Variants in AGBL4 observed in about 807,000 individuals in gnomAD.
The protein encoded by AGBL4 is cytosolic carboxypeptidase 6.
AGBL4 carries 58 observed loss-of-function variants against 66.4 expected under a neutral mutation model. The observed-to-expected ratio is 0.87, with a 90% CI of 0.71 to 1.09. AGBL4 has a LOEUF of 1.09. AGBL4 is among the 50% of genes least tolerant of loss of function. The pLI, the probability that AGBL4 is intolerant of heterozygous loss-of-function variation, is 0.00. For missense variants in AGBL4, 579 were observed against 631.0 expected (o/e 0.92, Z 0.88); for synonymous variants, 234 against 222.9 (o/e 1.05, Z -0.44).
At chr1:49,479,774 T>TCA (rs1646918470) in intron 3 of AGBL4, among the ~76,000 whole-genome samples, 1 of 150,218 alleles carries the variant, frequency 6.7e-6, no homozygotes, top group South Asian at 2.1e-4. Flanking sequence ...CGATCTCAGC[T>TCA]CACTGCAAGC....
chr1:49,638,362 C>A (rs1475685069), intron 3 of AGBL4, among the ~76,000 whole-genome samples: 1 of 152,168 alleles, frequency 6.6e-6, no homozygotes, highest in African/African-American at 2.4e-5. Context: ...GTAAGAGAAG[C>A]TCACATTCTA....
intron 2 of AGBL4, among the ~76,000 whole-genome samples, chr1:49,710,078 T>A (rs1265171158): frequency 1.3e-5 from 2 of 152,138 alleles, no homozygotes; most frequent in African/African-American, 2.4e-5. Context: ...GACCCAGTAA[T>A]CCCATTACTG....
At chr1:49,277,720 A>AATAAGTTG (rs1273919390) in intron 3 of AGBL4, among the ~76,000 whole-genome samples, 1 of 147,068 alleles carries the variant, frequency 6.8e-6, no homozygotes, top group Admixed American at 7.1e-5. Flanking sequence ...CCTAAGGTCA[A>AATAAGTTG]ATAAGTTGGC....
At chr1:48,748,709 G>C (rs934713927) in intron 6 of AGBL4, among the ~76,000 whole-genome samples, 1 of 152,110 alleles carries the variant, frequency 6.6e-6, no homozygotes, top group Admixed American at 6.5e-5. Flanking sequence ...GCATGAATTT[G>C]GGGAGGGGGA....
chr1:48,722,160 G>A (rs899797581), intron 6 of AGBL4, among the ~76,000 whole-genome samples: 69 of 152,112 alleles, frequency 4.5e-4, no homozygotes, highest in African/African-American at 1.6e-3. Context: ...GGTGAATAGG[G>A]AGGGACTGGG....
chr1:49,283,627 T>A (rs545286921), intron 3 of AGBL4, among the ~76,000 whole-genome samples: 1 of 151,386 alleles, frequency 6.6e-6, no homozygotes, highest in East Asian at 2.0e-4. Context: ...TTGAAAAAAA[T>A]TTAGAAGAAT....
rs538461950 is a variant in AGBL4 at position 49,866,562 on chromosome 1, G to A, written c.35-15044C>T. ...GCAGATCACCTGAGGTCAGGAGTTC[G>A]AGACCAGTCTGGTCAACATGGCAAA... is the stretch of plus-strand genomic sequence containing the variant. On this transcript the variant is annotated intron_variant, in intron 1 of 13. Transcript: ENST00000371839. 3.3e-5 allele frequency among the ~76,000 whole-genome samples: 5 copies of A among 152,154 alleles called. No homozygotes were observed. The South Asian group carries it at 8.3e-4, about 25-fold the overall frequency.
Position 48,769,526 on chromosome 1 carries a change from AACACACACAC to A in AGBL4, c.634+97655_634+97664del, listed in dbSNP as rs558937968. On this transcript the variant is annotated intron_variant, in intron 6 of 13. Transcript: ENST00000371839. ...TAGGTCAAGTCCCAGGAGGATTTAA[AACACACACAC>A]ACACACACACACACACACACACACA... Among the ~76,000 whole-genome samples the A allele has an allele frequency of 5.9e-3, 773 of 130,310 alleles. 2 individuals carry two copies. Among genetic ancestry groups the A allele is most frequent in the Non-Finnish European group, 9.1e-3 (571 of 62,480 alleles). 85.5% of individuals were successfully genotyped at this position (130,310 alleles called of 152,430 possible).
chr1:49,657,022 G>T (rs1646152666), intron 3 of AGBL4, among the ~76,000 whole-genome samples: 2 of 152,162 alleles, frequency 1.3e-5, no homozygotes, highest in East Asian at 1.9e-4. Flanking sequence ...TCAGACAGGA[G>T]AAAGAAATAA....
intron 6 of AGBL4, among the ~76,000 whole-genome samples, chr1:48,743,995 G>A (rs1221243541): frequency 1.5e-4 from 23 of 152,174 alleles, no homozygotes. Flanking sequence ...AAGATGGTTG[G>A]GGAGCAGAAC....
intron 3 of AGBL4, among the ~76,000 whole-genome samples, chr1:49,689,626 A>C (rs2124588435): frequency 6.6e-6 from 1 of 152,284 alleles, no homozygotes; most frequent in East Asian, 1.9e-4. Context: ...GTATTTTGAT[A>C]GAGATTACAT....
intron 4 of AGBL4, among the ~76,000 whole-genome samples, chr1:49,071,897 C>G (rs1037176913): frequency 6.7e-6 from 1 of 149,832 alleles, no homozygotes; most frequent in Non-Finnish European, 1.5e-5. Context: ...TTGTATGTCT[C>G]TAAGAATTTG....
chr1:49,266,608 A>AACACACACACACAC (rs71307610), intron 3 of AGBL4, among the ~76,000 whole-genome samples: 1 of 149,644 alleles, frequency 6.7e-6, no homozygotes, highest in Admixed American at 6.7e-5. Flanking sequence ...ATAAACCTGT[A>AACACACACACACAC]ACACACACAC....
chr1:49,833,805 G>C (rs1645768703), intron 2 of AGBL4, among the ~76,000 whole-genome samples: 1 of 152,008 alleles, frequency 6.6e-6, no homozygotes, highest in Admixed American at 6.6e-5. Flanking sequence ...GTCTGTTATT[G>C]GTGTATAAGA....
At chr1:49,542,473 G>C (rs1049921795) in intron 3 of AGBL4, among the ~76,000 whole-genome samples, 3 of 152,090 alleles carry the variant, frequency 2.0e-5, no homozygotes, top group Non-Finnish European at 4.4e-5. Flanking sequence ...CCGCCTTTAA[G>C]GACTGTAACA....
At chr1:49,656,024 T>G (rs6701438) in intron 3 of AGBL4, among the ~76,000 whole-genome samples, 104,256 of 151,904 alleles carry the variant, frequency 0.69, 36,549 homozygotes, top group African/African-American at 0.79. Context: ...GCATGTGCCT[T>G]TAATCCCAGT....
At position 49,880,655 on chromosome 1, in the gene AGBL4, A is replaced by C. The variant is rs1430012588; in HGVS notation, c.35-29137T>G. ...CCCCAGAGGTGGAGCCTACAGAGGC[A>C]GGCAAGCCTCCTTGACCTGTGGTGG... On this transcript the variant is annotated intron_variant, in intron 1 of 13. Transcript: ENST00000371839. Among the ~76,000 whole-genome samples the C allele has an allele frequency of 2.6e-5, 4 of 152,174 alleles. No individual in the cohort carries two copies. The East Asian group carries it at 7.7e-4, about 29-fold the overall frequency.
At position 49,818,539 on chromosome 1, in the gene AGBL4, A is replaced by T. The variant is rs192335185; in HGVS notation, c.157+32857T>A. 5.9e-5 allele frequency among the ~76,000 whole-genome samples: 9 copies of T among 151,858 alleles called. No individual in the cohort carries two copies. The South Asian group carries it at 6.2e-4, about 11-fold the overall frequency. On this transcript the variant is annotated intron_variant, in intron 2 of 13. Coordinates refer to ENST00000371839, the MANE Select transcript of AGBL4 (RefSeq NM_032785.4). Reference sequence around the variant, plus strand: ...GCCATGATGCCTTGCAATATTTTTTAAAATTTTTGTAGAGTTGGAGTCTCC... The same window carrying T: ...GCCATGATGCCTTGCAATATTTTTTTAAATTTTTGTAGAGTTGGAGTCTCC...
rs556480911 is a variant in AGBL4 at position 48,812,854 on chromosome 1, G to A, written c.634+54337C>T. ...AAACCATCATTCTCAGCAAACTATC[G>A]CAAGGACAAAAAACCAAACACTGCA... On this transcript the variant is annotated intron_variant, in intron 6 of 13. Coordinates refer to ENST00000371839, the MANE Select transcript of AGBL4 (RefSeq NM_032785.4). Among the ~76,000 whole-genome samples the A allele has an allele frequency of 3.2e-3, 482 of 151,726 alleles. 2 individuals are homozygous for A. The highest frequency in any genetic ancestry group is 0.01 in the African/African-American group (427 of 41,320).
Sources: allele counts gnomAD v4.1 joint callset (sites outside exome capture counted in the v4.1 genomes callset), GRCh38; gene constraint gnomAD v4.1.1; transcripts MANE v1.5; gene names NCBI Gene and HGNC (gene_info 2026-07-23, HGNC 2026-07-21).